The following TGFB2 variants were observed in gnomAD, a reference collection of about 807,000 sequenced individuals.
TGFB2 encodes transforming growth factor beta-2 proprotein.
Under a neutral mutation model 42.7 loss-of-function variants are expected in TGFB2, and 13 were observed. That is an observed-to-expected ratio of 0.30 (90% CI 0.20 to 0.48). TGFB2 has a LOEUF of 0.48. Ranked by LOEUF, TGFB2 falls within the 20% of genes least tolerant of loss-of-function variation. The probability of loss-of-function intolerance (pLI) is 0.99; values close to 1 mark genes in which losing one functional copy is unlikely to be tolerated. For missense variants in TGFB2, 390 were observed against 517.5 expected, an observed-to-expected ratio of 0.75 and a Z score of 2.39; for synonymous variants, 193 against 193.6, an observed-to-expected ratio of 1.00 and a Z score of 0.03.
At chr1:218,409,865 G>T (rs1659039860) in intron 2 of TGFB2, among the ~76,000 whole-genome samples, 1 of 152,154 alleles carries the variant, frequency 6.6e-6, no homozygotes, top group South Asian at 2.1e-4. Context: ...TGGTTGTTTG[G>T]ATTATTTATT....
chr1:218,354,905 CTGTT>C (rs971240277), intron 1 of TGFB2, among the ~76,000 whole-genome samples: 33 of 152,066 alleles, frequency 2.2e-4, no homozygotes, highest in African/African-American at 7.2e-4. Flanking sequence ...TTGGTTGTTT[CTGTT>C]TGTTTGTTTG....
chr1:218,384,535 G>A (rs1487405744), intron 1 of TGFB2, among the ~76,000 whole-genome samples: 5 of 152,146 alleles, frequency 3.3e-5, no homozygotes, highest in Non-Finnish European at 7.3e-5. Flanking sequence ...ATAAGCCTTA[G>A]TCTCCTCATC....
intron 1 of TGFB2, among the ~76,000 whole-genome samples, chr1:218,368,252 C>A (rs533524282): frequency 6.6e-6 from 1 of 152,152 alleles, no homozygotes; most frequent in Non-Finnish European, 1.5e-5. Flanking sequence ...TCAAGCAATT[C>A]TCCTGCCTGA....
chr1:218,413,470 A>G (rs1046907964), intron 2 of TGFB2, among the ~76,000 whole-genome samples: 68 of 152,188 alleles, frequency 4.5e-4, no homozygotes, highest in African/African-American at 1.6e-3. Context: ...TGGCCTGAGA[A>G]GGCATCGGCG....
At chr1:218,400,978 C>T (rs536325756) in intron 1 of TGFB2, among the ~76,000 whole-genome samples, 3 of 152,258 alleles carry the variant, frequency 2.0e-5, no homozygotes, top group Middle Eastern at 3.4e-3. Flanking sequence ...TCTGTGCATG[C>T]TCCATTGTCC....
intron 1 of TGFB2, among the ~76,000 whole-genome samples, chr1:218,375,448 A>C (rs891529179): frequency 6.6e-6 from 1 of 151,762 alleles, no homozygotes; most frequent in African/African-American, 2.4e-5. Context: ...TAAAAAAAAA[A>C]AACCCAACAT....
In TGFB2 at chr1:218,432,819, G is replaced by A. The variant is rs186586832; in HGVS notation, c.511-1263G>A. ...ACAAAACAGAGTAGTACAAAAATCC[G>A]GAAGAGTAGTACAAAAATGACAGCT... On this transcript the variant is annotated intron_variant, in intron 2 of 6. Coordinates refer to ENST00000366930, the MANE Select transcript of TGFB2 (RefSeq NM_003238.6). Among the ~76,000 whole-genome samples, 8 of 152,212 alleles carry A rather than the reference G, an allele frequency of 5.3e-5. No homozygotes were observed. In the East Asian group the frequency reaches 5.8e-4, roughly 11 times the overall value.
chr1:218,367,304 A>G (rs1657417469), intron 1 of TGFB2, among the ~76,000 whole-genome samples: 1 of 152,176 alleles, frequency 6.6e-6, no homozygotes, highest in African/African-American at 2.4e-5. Flanking sequence ...CTAGCAAACA[A>G]TGGAATGTAA....
At chr1:218,348,909 G>T (rs942305435) in intron 1 of TGFB2, among the ~76,000 whole-genome samples, 4 of 152,172 alleles carry the variant, frequency 2.6e-5, no homozygotes, top group African/African-American at 9.7e-5. Context: ...TACTGAATAG[G>T]TGTGGAGAGA....
chr1:218,410,796 G>T (rs930181859), intron 2 of TGFB2, among the ~76,000 whole-genome samples: 2 of 152,150 alleles, frequency 1.3e-5, no homozygotes, highest in African/African-American at 4.8e-5. Context: ...TTGTAAATTT[G>T]AACACACCTT....
chr1:218,423,183 C>T (rs190254896), intron 2 of TGFB2, among the ~76,000 whole-genome samples: 4 of 152,188 alleles, frequency 2.6e-5, no homozygotes, highest in Admixed American at 6.5e-5. Flanking sequence ...ACGGTTTTGA[C>T]CTAGAGAGTC....
At chr1:218,425,428 T>C (rs1363097079) in intron 2 of TGFB2, among the ~76,000 whole-genome samples, 1 of 152,004 alleles carries the variant, frequency 6.6e-6, no homozygotes, top group Non-Finnish European at 1.5e-5. Flanking sequence ...AGGATGGTCT[T>C]GATCTCCTGA....
rs78586526 is a variant in TGFB2, at chr1:218,357,418, T to A, written c.346+10371T>A. Among the ~76,000 whole-genome samples the A allele has an allele frequency of 4.9e-3, 747 of 152,290 alleles. 10 individuals carry two copies. The highest frequency in any genetic ancestry group is 0.017 in the African/African-American group (692 of 41,562). On this transcript the variant is annotated intron_variant, in intron 1 of 6. Coordinates refer to ENST00000366930, the MANE Select transcript of TGFB2 (RefSeq NM_003238.6). ...TCCTGGCTTTCCTGGGGCAACCCAG[T>A]AACACCACTTCAGTGATGTGGAAAA... is the stretch of plus-strand genomic sequence containing the variant.
chr1:218,350,651 A>G (rs1656841614), intron 1 of TGFB2, among the ~76,000 whole-genome samples: 1 of 152,252 alleles, frequency 6.6e-6, no homozygotes, highest in South Asian at 2.1e-4. Context: ...TCTTAATTAA[A>G]TGGAGTGTGG....
At chr1:218,355,164 T>A (rs905645950) in intron 1 of TGFB2, among the ~76,000 whole-genome samples, 6 of 152,234 alleles carry the variant, frequency 3.9e-5, no homozygotes, top group African/African-American at 1.4e-4. Context: ...TCTCCCAAAG[T>A]GCTGGGATTA....
intron 1 of TGFB2, among the ~76,000 whole-genome samples, chr1:218,372,249 C>G (rs755241427): frequency 1.3e-5 from 2 of 152,200 alleles, no homozygotes; most frequent in African/African-American, 2.4e-5. Context: ...ACTGCTGGAG[C>G]TGTTTTGCTG....
chr1:218,407,109 T>C (rs570543665), intron 2 of TGFB2, among the ~76,000 whole-genome samples: 1 of 152,130 alleles, frequency 6.6e-6, no homozygotes. Flanking sequence ...TCTTTTTCTG[T>C]TTTTTTGAGA....
chr1:218,434,595 C>T (rs763275394), intron 4 of TGFB2, 147 bp downstream of exon 4: 2 of 615,566 alleles, frequency 3.2e-6, no homozygotes, highest in Admixed American at 3.0e-5. Context: ...GTTGGATATA[C>T]ATATGTGAAG....
rs1656682654 is a variant in TGFB2 at position 218,346,513 on chromosome 1, T to C, written c.-189T>C. 3.6e-6 allele frequency: 2 copies of C among 548,158 alleles called. No homozygotes were observed. Among genetic ancestry groups the C allele is most frequent in the Non-Finnish European group, 6.2e-6 (2 of 321,088 alleles). The allele number at this position is 548,158 out of a possible 1,614,324, so 34.0% of individuals were successfully genotyped here. A position where few individuals can be genotyped will look rare whatever the true frequency, so the allele number is the denominator to read the frequency against. On this transcript the variant is annotated 5_prime_UTR_variant, in exon 1 of 7. Transcript: ENST00000366930. This position sits in a 1 kb window ranked among gnomAD's most constrained non-coding sequence, Gnocchi z 4.9. ...ACTTTTGGAACTACTGGCCTTTTCT[T>C]TTTAAAGGAATTCAAGCAGGATACG...
Sources: allele counts gnomAD v4.1 joint callset (sites outside exome capture counted in the v4.1 genomes callset), GRCh38; gene constraint gnomAD v4.1.1; non-coding constraint Gnocchi (gnomAD v3.1); transcripts MANE v1.5; gene names NCBI Gene and HGNC (gene_info 2026-07-23, HGNC 2026-07-21).